Variants in KIAA0319L observed in about 807,000 individuals in gnomAD.
The protein encoded by KIAA0319L is KIAA0319 like.
Under a neutral mutation model 120.1 loss-of-function variants are expected in KIAA0319L, and 55 were observed. That is an observed-to-expected ratio of 0.46 (90% CI 0.37 to 0.57). The LOEUF is 0.57. KIAA0319L is among the 20% of genes least tolerant of loss of function. The pLI is 0.00. For missense variants in KIAA0319L, 1,049 were observed against 1,255.3 expected, an observed-to-expected ratio of 0.84 and a Z score of 2.48; for synonymous variants, 398 against 471.9, an observed-to-expected ratio of 0.84 and a Z score of 2.03.
chr1:35,503,382 G>A (rs1343747849), intron 3 of KIAA0319L, among the ~76,000 whole-genome samples: 1 of 152,146 alleles, frequency 6.6e-6, no homozygotes, highest in Admixed American at 6.5e-5. Flanking sequence ...TGGTCCCTGG[G>A]CAGCAGCATT....
At chr1:35,466,394 T>G (rs1466265310) in intron 7 of KIAA0319L, among the ~76,000 whole-genome samples, 1 of 152,230 alleles carries the variant, frequency 6.6e-6, no homozygotes, top group Non-Finnish European at 1.5e-5. Context: ...CATACTGCAC[T>G]GTGGGCCATG....
rs145446727 is a variant in KIAA0319L, at chr1:35,451,755, G to A, written c.1935C>T (p.Leu645=). 3 of 1,613,914 alleles carry A rather than the reference G, an allele frequency of 1.9e-6. No homozygotes were observed. The highest frequency in any genetic ancestry group is 2.7e-5 in the African/African-American group (2 of 74,862). ...TAGCAACACTGCTGTTAGCATTCTC[G>A]AGCTGCACCCCATCAGGTCCCCTGC... ...EKTQGPDGVQ[L]ENANSSVATV... The change falls in exon 13 of 21, where the codon CTC becomes CTT. Residue 645 remains leucine (L), a synonymous_variant. Coordinates refer to ENST00000325722, the MANE Select transcript of KIAA0319L (RefSeq NM_024874.5).
At chr1:35,489,919 A>C (rs1644530365) in intron 3 of KIAA0319L, among the ~76,000 whole-genome samples, 1 of 151,812 alleles carries the variant, frequency 6.6e-6, no homozygotes, top group Non-Finnish European at 1.5e-5. Context: ...TGCCCGCCTC[A>C]GCCTCCCAAA....
intron 2 of KIAA0319L, among the ~76,000 whole-genome samples, chr1:35,535,679 T>C (rs542038774): frequency 6.6e-6 from 1 of 152,320 alleles, no homozygotes; most frequent in African/African-American, 2.4e-5. Context: ...CCATTATTTA[T>C]GTTGTTGTTG....
In KIAA0319L at chr1:35,437,661, C is replaced by A. The variant is rs941260799; in HGVS notation, c.2963-2580G>T. Among the ~76,000 whole-genome samples the A allele has an allele frequency of 6.6e-6, 1 of 152,188 alleles. No homozygotes were observed. Among genetic ancestry groups the A allele is most frequent in the Non-Finnish European group, 1.5e-5 (1 of 68,022 alleles). Reference sequence around the variant, plus strand: ...TCTTTGGCCTTTGCAGCAGCAAACACCGACGGCTGTCCCCTAATGAATCCC... The same window carrying A: ...TCTTTGGCCTTTGCAGCAGCAAACAACGACGGCTGTCCCCTAATGAATCCC... On this transcript the variant is annotated intron_variant, in intron 20 of 20. Coordinates refer to ENST00000325722, the MANE Select transcript of KIAA0319L (RefSeq NM_024874.5). The surrounding 1 kb of genome is among the most constrained non-coding windows in gnomAD (Gnocchi z 4.1).
chr1:35,547,185 C>T (rs958720873), intron 2 of KIAA0319L, among the ~76,000 whole-genome samples: 6 of 144,982 alleles, frequency 4.1e-5, no homozygotes, highest in African/African-American at 1.3e-4. Flanking sequence ...ACATATTATA[C>T]GTGATTATAT....
At chr1:35,522,383 GATTCT>G (rs71771265) in intron 2 of KIAA0319L, among the ~76,000 whole-genome samples, 3,999 of 152,134 alleles carry the variant, frequency 0.026, 206 homozygotes, top group East Asian at 0.24. Context: ...AGGTTCAAGT[GATTCT>G]CCTGCCTCAG....
At chr1:35,515,725 T>A (rs1000916948) in intron 2 of KIAA0319L, among the ~76,000 whole-genome samples, 5 of 151,604 alleles carry the variant, frequency 3.3e-5, no homozygotes, top group African/African-American at 1.2e-4. Flanking sequence ...TTGAAGGAAA[T>A]CAAGACACAA....
At chr1:35,458,226 G>T (rs1329005178) in intron 9 of KIAA0319L, among the ~76,000 whole-genome samples, 2 of 152,174 alleles carry the variant, frequency 1.3e-5, no homozygotes, top group Admixed American at 6.5e-5. Context: ...ATGAGCCACT[G>T]CGCCCAGCCT....
chr1:35,496,947 CAAAAAAAA>C (rs754043280), intron 3 of KIAA0319L, among the ~76,000 whole-genome samples: 2 of 50,214 alleles, frequency 4.0e-5, no homozygotes, highest in Non-Finnish European at 7.6e-5. Flanking sequence ...ATTGTGTCTC[CAAAAAAAA>C]AAAAAAAAAA....
intron 2 of KIAA0319L, among the ~76,000 whole-genome samples, chr1:35,543,358 T>C (rs535300217): frequency 3.3e-5 from 5 of 152,302 alleles, no homozygotes; most frequent in Non-Finnish European, 5.9e-5. Context: ...TGTACTGCAA[T>C]GTAGTTAAGA....
intron 3 of KIAA0319L, among the ~76,000 whole-genome samples, chr1:35,505,009 C>A (rs996338064): frequency 2.6e-5 from 4 of 152,114 alleles, no homozygotes; most frequent in Non-Finnish European, 5.9e-5. Context: ...TGTTTCTTTT[C>A]CGAATTCCTA....
At chr1:35,543,965 T>A (rs546634920) in intron 2 of KIAA0319L, among the ~76,000 whole-genome samples, 1 of 152,310 alleles carries the variant, frequency 6.6e-6, no homozygotes, top group South Asian at 2.1e-4. Flanking sequence ...ACAAATGGCC[T>A]TTCTTATACT....
At chr1:35,537,763 G>A (rs1646639640) in intron 2 of KIAA0319L, among the ~76,000 whole-genome samples, 4 of 152,050 alleles carry the variant, frequency 2.6e-5, no homozygotes, top group African/African-American at 7.2e-5. Flanking sequence ...TCTCATCTGT[G>A]TGTAAATGAA....
chr1:35,468,942 TC>T (rs746409169), intron 6 of KIAA0319L, among the ~76,000 whole-genome samples: 6 of 152,212 alleles, frequency 3.9e-5, no homozygotes, highest in Non-Finnish European at 8.8e-5. Flanking sequence ...AATACCTACA[TC>T]CTGGGATTGT....
intron 16 of KIAA0319L, among the ~76,000 whole-genome samples, chr1:35,447,237 TA>T (rs34645390): frequency 0.097 from 13,410 of 137,972 alleles, 1,128 homozygotes; most frequent in East Asian, 0.25. Context: ...GATCTTTCTT[TA>T]AAAAAAAAAA....
At chr1:35,456,915 TGAAGGAAGGAAGGAAGGAAG>T (rs71062877) in intron 9 of KIAA0319L, among the ~76,000 whole-genome samples, 15 of 110,072 alleles carry the variant, frequency 1.4e-4, no homozygotes, top group African/African-American at 4.1e-4. Context: ...AAGGAAGGAA[TGAAGGAAGGAAGGAAGGAAG>T]GAAGGAAGGA....
chr1:35,435,242 C>A, intron 20 of KIAA0319L, 161 bp from the exon 21 acceptor site: 1 of 650,414 alleles, frequency 1.5e-6, no homozygotes, highest in Non-Finnish European at 2.7e-6. Flanking sequence ...TAGTCCTTCT[C>A]CCGGGCCCAA....
chr1:35,507,136 C>A lies in KIAA0319L; in HGVS notation c.143-1G>T. The stretch of plus-strand genomic sequence containing the variant: ...TGCTGGCACCTGCTCTCACTGGCAT[C>A]TAAAAACAAAGAATGAAAACATTTT... On this transcript the variant is annotated splice_acceptor_variant, in intron 2 of 20. Transcript: ENST00000325722. LOFTEE classifies it high-confidence loss of function. The A allele has an allele frequency of 6.6e-7, 1 of 1,514,990 alleles. No homozygotes were observed. The highest frequency in any genetic ancestry group is 2.3e-5 in the East Asian group (1 of 43,818). 93.8% of individuals were successfully genotyped at this position (1,514,990 alleles called of 1,614,324 possible). A position where few individuals can be genotyped will look rare whatever the true frequency, so the allele number is the denominator to read the frequency against.
Sources: allele counts gnomAD v4.1 joint callset (sites outside exome capture counted in the v4.1 genomes callset), GRCh38; gene constraint gnomAD v4.1.1; non-coding constraint Gnocchi (gnomAD v3.1); transcripts MANE v1.5; gene names NCBI Gene and HGNC (gene_info 2026-07-23, HGNC 2026-07-21).